Variants in PRKCA observed in about 807,000 individuals in gnomAD.
PRKCA encodes the protein protein kinase C alpha type.
PRKCA carries 27 observed loss-of-function variants against 87.0 expected under a neutral mutation model. That is an observed-to-expected ratio of 0.31 (90% CI 0.23 to 0.43). The LOEUF (loss-of-function observed/expected upper bound fraction) is 0.43. Among genes scored for constraint, PRKCA ranks in the 20% least tolerant of loss-of-function variants. PRKCA has a pLI of 1.00. For synonymous variants in PRKCA, 329 were observed against 311.1 expected (o/e 1.06, Z -0.61); for missense variants, 518 against 852.3 (o/e 0.61, Z 4.88).
intron 3 of PRKCA, among the ~76,000 whole-genome samples, chr17:66,563,550 A>G (rs529069225): frequency 3.9e-5 from 6 of 152,294 alleles, no homozygotes; most frequent in African/African-American, 1.2e-4. Flanking sequence ...TGGGTATACC[A>G]TGGTTTATCC....
At position 66,807,590 on chromosome 17, in the gene PRKCA, A is replaced by G. The variant is rs1976059624; in HGVS notation, c.*3553A>G. On this transcript the variant is annotated 3_prime_UTR_variant, in exon 17 of 17. Transcript: ENST00000413366. The surrounding 1 kb of genome is among the most constrained non-coding windows in gnomAD (Gnocchi z 4.3). ...GGCCTCGTGTGGTCCATGCAGGGCC[A>G]CTGTCTGCCCTTTCTGATGCCACGT... 1 of 152,218 alleles carries G rather than the reference A, an allele frequency of 6.6e-6. No homozygotes were observed. Among genetic ancestry groups the G allele is most frequent in the Admixed American group, 6.5e-5 (1 of 15,288 alleles). The allele number at this position is 152,218 out of a possible 1,614,324, so 9.4% of individuals were successfully genotyped here. A position where few individuals can be genotyped will look rare whatever the true frequency, so the allele number is the denominator to read the frequency against.
intron 2 of PRKCA, among the ~76,000 whole-genome samples, chr17:66,327,096 C>G (rs4605200): frequency 0.12 from 18,148 of 151,510 alleles, 1,229 homozygotes; most frequent in South Asian, 0.25. Context: ...ATAGGCCAGG[C>G]GTGGTGGCTC....
At chr17:66,470,752 C>G (rs887927306) in intron 2 of PRKCA, among the ~76,000 whole-genome samples, 1 of 152,150 alleles carries the variant, frequency 6.6e-6, no homozygotes, top group Admixed American at 6.5e-5. Flanking sequence ...GGGGGACGAG[C>G]AGAGGCAATG....
At chr17:66,483,285 G>T (rs1176083818) in intron 2 of PRKCA, among the ~76,000 whole-genome samples, 1 of 152,010 alleles carries the variant, frequency 6.6e-6, no homozygotes, top group Non-Finnish European at 1.5e-5. Flanking sequence ...CCCTCAGAGA[G>T]CTGCAAGAGA....
chr17:66,497,057 A>T (rs910277443), intron 3 of PRKCA, among the ~76,000 whole-genome samples: 3 of 152,178 alleles, frequency 2.0e-5, no homozygotes, highest in African/African-American at 7.2e-5. Context: ...TTTTCGGTGT[A>T]TGTTAAAAAT....
chr17:66,311,636 T>A (rs2143143497), intron 2 of PRKCA, among the ~76,000 whole-genome samples: 1 of 152,114 alleles, frequency 6.6e-6, no homozygotes, highest in South Asian at 2.1e-4. Flanking sequence ...AACCAAACAA[T>A]AACAAAAAAT....
At chr17:66,777,978 G>A (rs1446384496) in intron 14 of PRKCA, 7 of 985,386 alleles carry the variant, frequency 7.1e-6, no homozygotes, top group Non-Finnish European at 8.4e-6. Flanking sequence ...GTCCCCTTTG[G>A]GGGGTGCATT....
chr17:66,619,423 G>A (rs1970610699), intron 3 of PRKCA, among the ~76,000 whole-genome samples: 1 of 151,516 alleles, frequency 6.6e-6, no homozygotes, highest in Non-Finnish European at 1.5e-5. Flanking sequence ...AGCAACAGCT[G>A]ACGCCATCTA....
chr17:66,627,312 G>A (rs1970884114), intron 3 of PRKCA, among the ~76,000 whole-genome samples: 1 of 152,136 alleles, frequency 6.6e-6, no homozygotes, highest in Non-Finnish European at 1.5e-5. Context: ...TGGGGGTTGG[G>A]GGGAATGTAT....
intron 3 of PRKCA, among the ~76,000 whole-genome samples, chr17:66,527,412 C>T (rs766934880): frequency 6.6e-6 from 1 of 152,192 alleles, no homozygotes; most frequent in Non-Finnish European, 1.5e-5. Context: ...AGAGGACATA[C>T]AAATGAGGGA....
chr17:66,430,044 A>G (rs964098937), intron 2 of PRKCA, among the ~76,000 whole-genome samples: 2 of 152,226 alleles, frequency 1.3e-5, no homozygotes, highest in African/African-American at 4.8e-5. Context: ...AGAGAAAATT[A>G]TAGATGTACT....
intron 13 of PRKCA, among the ~76,000 whole-genome samples, chr17:66,745,548 G>T (rs890508700): frequency 6.6e-6 from 1 of 151,638 alleles, no homozygotes; most frequent in Non-Finnish European, 1.5e-5. Context: ...GGGTGTGGTG[G>T]CAGGTGCCTG....
intron 2 of PRKCA, among the ~76,000 whole-genome samples, chr17:66,371,933 AT>A (rs760344665): frequency 3.3e-5 from 5 of 152,220 alleles, no homozygotes; most frequent in Non-Finnish European, 5.9e-5. Context: ...GAACTGAAAA[AT>A]TGAAGCGCTT....
intron 2 of PRKCA, among the ~76,000 whole-genome samples, chr17:66,330,665 T>C (rs993352147): frequency 2.0e-5 from 3 of 152,178 alleles, no homozygotes; most frequent in African/African-American, 7.2e-5. Flanking sequence ...AAATATTTTG[T>C]TAAGAGGGTC....
At chr17:66,557,942 C>T (rs994056518) in intron 3 of PRKCA, among the ~76,000 whole-genome samples, 22 of 152,342 alleles carry the variant, frequency 1.4e-4, no homozygotes, top group Admixed American at 1.4e-3. Context: ...AGGCAGAGGA[C>T]ACCATCCCCA....
chr17:66,809,928 C>T lies in PRKCA; in HGVS notation c.*5891C>T, dbSNP rs967504369. On this transcript the variant is annotated 3_prime_UTR_variant, in exon 17 of 17. Transcript: ENST00000413366. ...ACCCGCCTGGTCCCCAGGTCTCTCACCTTGGGTGAAGATTCAGAGATGCCC... is the reference window on the plus strand; with the variant it reads ...ACCCGCCTGGTCCCCAGGTCTCTCATCTTGGGTGAAGATTCAGAGATGCCC... 5.9e-5 allele frequency: 9 copies of T among 152,190 alleles called. No homozygotes were observed. The highest frequency in any genetic ancestry group is 2.2e-4 in the African/African-American group (9 of 41,440). The allele number at this position is 152,190 out of a possible 1,614,324, so 9.4% of individuals were successfully genotyped here.
At chr17:66,760,315 A>G (rs1376118343) in intron 13 of PRKCA, among the ~76,000 whole-genome samples, 1 of 152,258 alleles carries the variant, frequency 6.6e-6, no homozygotes, top group Non-Finnish European at 1.5e-5. Context: ...TGTGGGTCTA[A>G]GAAGAAATCT....
At chr17:66,339,023 A>G (rs530624956) in intron 2 of PRKCA, among the ~76,000 whole-genome samples, 5 of 152,302 alleles carry the variant, frequency 3.3e-5, no homozygotes, top group African/African-American at 7.2e-5. Flanking sequence ...CCTTGTGTCT[A>G]TATTGAGGGG....
At position 66,779,809 on chromosome 17, in the gene PRKCA, G is replaced by C. The variant is rs542329775; in HGVS notation, c.1605+5742G>C. 2.0e-5 allele frequency among the ~76,000 whole-genome samples: 3 copies of C among 152,270 alleles called. No individual in the cohort carries two copies. In the South Asian group the frequency reaches 6.2e-4, roughly 32 times the overall value. Reference sequence around the variant, plus strand: ...CCAACCCAAGACTTTTCAACAGGTAGCTTAGCCTGGAACATTGAGTCCAAA... The same window carrying C: ...CCAACCCAAGACTTTTCAACAGGTACCTTAGCCTGGAACATTGAGTCCAAA... On this transcript the variant is annotated intron_variant, in intron 14 of 16. Coordinates refer to ENST00000413366, the MANE Select transcript of PRKCA (RefSeq NM_002737.3).
Sources: allele counts gnomAD v4.1 joint callset (sites outside exome capture counted in the v4.1 genomes callset), GRCh38; gene constraint gnomAD v4.1.1; non-coding constraint Gnocchi (gnomAD v3.1); transcripts MANE v1.5; gene names NCBI Gene and HGNC (gene_info 2026-07-23, HGNC 2026-07-21).